Variants in LCLAT1 observed in about 807,000 individuals in gnomAD.
LCLAT1 encodes the protein 1-AGP acyltransferase 8.
Under a neutral mutation model 30.7 loss-of-function variants are expected in LCLAT1, and 11 were observed. The observed-to-expected ratio is 0.36, with a 90% CI of 0.23 to 0.59. LCLAT1 has a LOEUF of 0.59. Among genes scored for constraint, LCLAT1 ranks in the 20% least tolerant of loss-of-function variants. LCLAT1 has a pLI of 0.77. For missense variants in LCLAT1, 402 were observed against 458.6 expected, an observed-to-expected ratio of 0.88 and a Z score of 1.13; for synonymous variants, 155 against 151.3, an observed-to-expected ratio of 1.02 and a Z score of -0.18.
chr2:30,544,615 A>G (rs773485693), intron 3 of LCLAT1, among the ~76,000 whole-genome samples: 10 of 151,968 alleles, frequency 6.6e-5, no homozygotes, highest in Non-Finnish European at 1.5e-4. Context: ...TTAAATACCC[A>G]GTAGGGCTAG....
At chr2:30,478,985 G>A (rs557769317) in intron 1 of LCLAT1, among the ~76,000 whole-genome samples, 79 of 152,004 alleles carry the variant, frequency 5.2e-4, no homozygotes, top group African/African-American at 1.8e-3. Flanking sequence ...TAGGGCCTTT[G>A]TTTCTTCATC....
intron 4 of LCLAT1, among the ~76,000 whole-genome samples, chr2:30,567,556 G>T (rs975879161): frequency 5.9e-5 from 9 of 152,074 alleles, no homozygotes; most frequent in African/African-American, 2.2e-4. Flanking sequence ...TCCCACTTGG[G>T]GGAGTCATGA....
At chr2:30,584,461 T>C (rs1666341906) in intron 5 of LCLAT1, among the ~76,000 whole-genome samples, 1 of 152,238 alleles carries the variant, frequency 6.6e-6, no homozygotes, top group Admixed American at 6.5e-5. Flanking sequence ...CAAGATATAA[T>C]GTGTATGGTA....
intron 5 of LCLAT1, among the ~76,000 whole-genome samples, chr2:30,628,151 A>G (rs1668605634): frequency 6.6e-6 from 1 of 152,208 alleles, no homozygotes; most frequent in Non-Finnish European, 1.5e-5. Context: ...TGTATTCACA[A>G]TTATGTTCTA....
At chr2:30,587,941 T>A (rs1263831813) in intron 5 of LCLAT1, among the ~76,000 whole-genome samples, 1 of 152,230 alleles carries the variant, frequency 6.6e-6, no homozygotes, top group Non-Finnish European at 1.5e-5. Context: ...GAGATTATAA[T>A]AATACCAAAA....
intron 1 of LCLAT1, among the ~76,000 whole-genome samples, chr2:30,524,812 A>C (rs1685630657): frequency 6.6e-6 from 1 of 152,174 alleles, no homozygotes; most frequent in Non-Finnish European, 1.5e-5. Context: ...GTTAAACTTT[A>C]TCATGGTATG....
intron 1 of LCLAT1, among the ~76,000 whole-genome samples, chr2:30,478,070 T>TAA (rs79364091): frequency 7.6e-4 from 87 of 114,956 alleles, no homozygotes; most frequent in African/African-American, 1.8e-3. Flanking sequence ...AGTGAGGGAT[T>TAA]AAAAAAAAAA....
At chr2:30,471,008 G>C (rs1313763938) in intron 1 of LCLAT1, among the ~76,000 whole-genome samples, 1 of 150,462 alleles carries the variant, frequency 6.6e-6, no homozygotes, top group Non-Finnish European at 1.5e-5. Context: ...CTGCCTCCCG[G>C]ATTCAAGCAA....
At chr2:30,569,336 T>C (rs1364306717) in intron 5 of LCLAT1, among the ~76,000 whole-genome samples, 1 of 152,260 alleles carries the variant, frequency 6.6e-6, no homozygotes, top group Non-Finnish European at 1.5e-5. Context: ...TATATATTTA[T>C]ACACATTTGT....
rs896297239 is a variant in LCLAT1, at chr2:30,628,786, C to G, written c.629-11331C>G. On this transcript the variant is annotated intron_variant, in intron 5 of 5. Transcript: ENST00000379509. ...AAGAAAGTAAAGCTGGATTATAAGG[C>G]TAAAAGAAAAAAACGTATTTCATCT... 2.6e-5 allele frequency among the ~76,000 whole-genome samples: 4 copies of G among 151,904 alleles called. No individual in the cohort carries two copies. The East Asian group carries it at 7.7e-4, about 29-fold the overall frequency.
In LCLAT1 at chr2:30,625,116, A is replaced by G. The variant is rs545711659; in HGVS notation, c.629-15001A>G. On this transcript the variant is annotated intron_variant, in intron 5 of 5. Coordinates refer to ENST00000379509, the MANE Select transcript of LCLAT1 (RefSeq NM_001002257.3). ...AAAAGCAGTGCTAAGAGGAAAGTTC[A>G]TAGCATTAAATGCCTATATCAAAAA... is the stretch of plus-strand genomic sequence containing the variant. 5.9e-5 allele frequency among the ~76,000 whole-genome samples: 9 copies of G among 152,330 alleles called. No homozygotes were observed. In the South Asian group the frequency reaches 1.7e-3, roughly 28 times the overall value.
At chr2:30,517,164 A>G (rs372156982) in intron 1 of LCLAT1, among the ~76,000 whole-genome samples, 2 of 152,046 alleles carry the variant, frequency 1.3e-5, no homozygotes, top group Admixed American at 6.5e-5. Flanking sequence ...CTCTGAATCT[A>G]CTTCCTCCAG....
chr2:30,594,793 C>G (rs1377098541), intron 5 of LCLAT1, among the ~76,000 whole-genome samples: 1 of 152,178 alleles, frequency 6.6e-6, no homozygotes. Context: ...GAAACAACAA[C>G]CAAGCAGATT....
At chr2:30,540,158 A>G (rs1664059920) in intron 3 of LCLAT1, among the ~76,000 whole-genome samples, 1 of 152,236 alleles carries the variant, frequency 6.6e-6, no homozygotes, top group Non-Finnish European at 1.5e-5. Flanking sequence ...TTTCAGAGCT[A>G]TTCCATGCAT....
At chr2:30,557,417 AT>A (rs778342698) in intron 3 of LCLAT1, among the ~76,000 whole-genome samples, 388 of 140,576 alleles carry the variant, frequency 2.8e-3, no homozygotes, top group East Asian at 7.3e-3. Context: ...ATTCACATCA[AT>A]TTTTTTTTTT....
At chr2:30,581,780 T>C (rs1666223037) in intron 5 of LCLAT1, among the ~76,000 whole-genome samples, 2 of 152,082 alleles carry the variant, frequency 1.3e-5, no homozygotes, top group South Asian at 4.1e-4. Flanking sequence ...TAGCCAAAGG[T>C]TGGTTAATGG....
At chr2:30,480,365 A>AT (rs1409150831) in intron 1 of LCLAT1, among the ~76,000 whole-genome samples, 1 of 151,512 alleles carries the variant, frequency 6.6e-6, no homozygotes, top group African/African-American at 2.4e-5. Context: ...TAATTTTTAT[A>AT]TTTTTTCTTT....
At chr2:30,454,514 G>A (rs1270703730) in intron 1 of LCLAT1, among the ~76,000 whole-genome samples, 1 of 152,102 alleles carries the variant, frequency 6.6e-6, no homozygotes, top group Non-Finnish European at 1.5e-5. Context: ...GCAGTAGCCT[G>A]ATCACAGCTC....
chr2:30,461,427 T>A (rs1682120591), intron 1 of LCLAT1, among the ~76,000 whole-genome samples: 1 of 152,008 alleles, frequency 6.6e-6, no homozygotes, highest in African/African-American at 2.4e-5. Context: ...TTGTTGGTGT[T>A]TTGTTTGTTT....
Sources: gnomAD v4.1 joint callset for allele counts (sites outside exome capture counted in the v4.1 genomes callset) on GRCh38, gnomAD v4.1.1 for gene constraint, MANE v1.5 for transcripts, NCBI Gene and HGNC (gene_info 2026-07-23, HGNC 2026-07-21) for gene names.